The following USH2A variants were observed in gnomAD, a reference collection of about 807,000 sequenced individuals.
The protein encoded by USH2A is Usher syndrome 2A (autosomal recessive, mild).
In USH2A, 443 loss-of-function variants were observed where a neutral mutation model predicts 538.9. The observed-to-expected ratio is 0.82, with a 90% confidence interval of 0.76 to 0.89. The LOEUF (loss-of-function observed/expected upper bound fraction) is 0.89, where lower values mean the gene tolerates loss of function less well. USH2A is among the 40% of genes least tolerant of loss of function. USH2A has a pLI of 0.00. For synonymous variants in USH2A, 2,413 were observed against 2,273.5 expected, an observed-to-expected ratio of 1.06 and a Z score of -1.75; for missense variants, 6,633 against 6,324.8, an observed-to-expected ratio of 1.05 and a Z score of -1.65.
chr1:215,771,579 C>CAAAAAAAAAAAAAAAAAAAAAAAAAAA (rs759067576), intron 55 of USH2A, among the ~76,000 whole-genome samples: 1 of 43,998 alleles, frequency 2.3e-5, no homozygotes, highest in Admixed American at 3.9e-4. Flanking sequence ...GACTCCGTCT[C>CAAAAAAAAAAAAAAAAAAAAAAAAAAA]AAAAAAAAAA....
At chr1:215,645,159 T>C (rs1004911820) in intron 67 of USH2A, among the ~76,000 whole-genome samples, 1 of 151,880 alleles carries the variant, frequency 6.6e-6, no homozygotes, top group Non-Finnish European at 1.5e-5. Flanking sequence ...CTGCAGAGAA[T>C]AAAGGGAGAA....
intron 9 of USH2A, among the ~76,000 whole-genome samples, chr1:216,295,694 C>T (rs983608895): frequency 1.3e-5 from 2 of 151,812 alleles, no homozygotes; most frequent in African/African-American, 2.4e-5. Flanking sequence ...CCCTAAGTGC[C>T]CAGCATATGC....
At chr1:216,022,638 G>T (rs978059126) in intron 32 of USH2A, among the ~76,000 whole-genome samples, 5 of 152,194 alleles carry the variant, frequency 3.3e-5, no homozygotes, top group African/African-American at 1.2e-4. Flanking sequence ...AAGGAAGAAA[G>T]ACATTTTTCC....
intron 51 of USH2A, among the ~76,000 whole-genome samples, chr1:215,787,415 A>T (rs1309104807): frequency 1.3e-5 from 2 of 152,210 alleles, no homozygotes; most frequent in Admixed American, 6.6e-5. Context: ...CCAAGTTTTT[A>T]AAAATATAAA....
At position 215,888,741 on chromosome 1, in the gene USH2A, A is replaced by T. The variant is rs1665133434; in HGVS notation, c.7908T>A (p.Thr2636=). The T allele has an allele frequency of 6.2e-7, 1 of 1,613,996 alleles. No homozygotes were observed. The highest frequency in any genetic ancestry group is 1.1e-5 in the South Asian group (1 of 91,092). ...GCCAAGATATAATCACAGATGTTGGAGTATCAGAGAACAGCTCTGGACTTG... is the reference window on the plus strand; with the variant it reads ...GCCAAGATATAATCACAGATGTTGGTGTATCAGAGAACAGCTCTGGACTTG... ...GIPSPELFSD[T]PTSVIISWQP... The change falls in exon 41 of 72, where the codon ACT becomes ACA. Residue 2636 remains threonine (T), a synonymous_variant. Transcript: ENST00000307340.
chr1:216,013,144 C>A (rs959589334), intron 32 of USH2A, among the ~76,000 whole-genome samples: 2 of 152,218 alleles, frequency 1.3e-5, no homozygotes, highest in African/African-American at 2.4e-5. Context: ...ATACTTAGAC[C>A]TTTTATACCT....
chr1:216,174,600 G>C lies in USH2A; in HGVS notation c.4627+652C>G, dbSNP rs915573791. 10 of 980,920 alleles carry C rather than the reference G, an allele frequency of 1.0e-5. No individual in the cohort carries two copies. The African/African-American group carries it at 1.7e-4, about 17-fold the overall frequency. The allele number at this position is 980,920 out of a possible 1,614,324, so 60.8% of individuals were successfully genotyped here. ...GCATTAAAATTTACATTAACACTGA[G>C]TTTTTTAGTGCCTTTAAATTTTGTG... On this transcript the variant is annotated intron_variant, in intron 21 of 71. Coordinates refer to ENST00000307340, the MANE Select transcript of USH2A (RefSeq NM_206933.4).
At chr1:215,901,059 C>A in intron 38 of USH2A, 154 bp from the exon 39 acceptor site, 1 of 904,262 alleles carries the variant, frequency 1.1e-6, no homozygotes, top group East Asian at 2.7e-5. Flanking sequence ...CATTCCTGAA[C>A]TCCTGTACTT....
intron 55 of USH2A, among the ~76,000 whole-genome samples, chr1:215,768,211 C>T (rs904358495): frequency 5.3e-5 from 8 of 152,142 alleles, no homozygotes; most frequent in East Asian, 1.9e-4. Flanking sequence ...AGCCTTCAAC[C>T]GTCTCTGATG....
chr1:215,636,687 A>C (rs918886455), intron 69 of USH2A, among the ~76,000 whole-genome samples: 2 of 152,154 alleles, frequency 1.3e-5, no homozygotes, highest in African/African-American at 4.8e-5. Flanking sequence ...CAAAAGGGAA[A>C]TAGCCCTTAG....
intron 21 of USH2A, 173 bp downstream of exon 21, chr1:216,175,079 C>T: frequency 2.1e-6 from 3 of 1,440,516 alleles, no homozygotes; most frequent in East Asian, 5.1e-5. Flanking sequence ...CTTTTTTCCC[C>T]AGAATTCTAA....
chr1:215,762,819 CT>C (rs2102744942), intron 56 of USH2A, among the ~76,000 whole-genome samples: 1 of 152,150 alleles, frequency 6.6e-6, no homozygotes. Flanking sequence ...GGGAAGTAAC[CT>C]AGGAGGATGG....
chr1:216,332,251 C>A (rs1462278578), intron 4 of USH2A, among the ~76,000 whole-genome samples: 3 of 152,102 alleles, frequency 2.0e-5, no homozygotes, highest in African/African-American at 2.4e-5. Flanking sequence ...ACTCAGAGTT[C>A]ATCCACTGGA....
chr1:216,130,380 G>A (rs1289001977), intron 21 of USH2A, among the ~76,000 whole-genome samples: 1 of 151,416 alleles, frequency 6.6e-6, no homozygotes, highest in Non-Finnish European at 1.5e-5. Context: ...TCATAACTTA[G>A]CTCCCACTTT....
intron 61 of USH2A, among the ~76,000 whole-genome samples, chr1:215,694,778 T>C (rs1332075424): frequency 6.6e-6 from 1 of 152,230 alleles, no homozygotes; most frequent in Non-Finnish European, 1.5e-5. Context: ...GATTTCATTG[T>C]AAGGATTTGG....
intron 58 of USH2A, among the ~76,000 whole-genome samples, chr1:215,747,277 A>G (rs1413214484): frequency 6.6e-6 from 1 of 152,188 alleles, no homozygotes; most frequent in East Asian, 1.9e-4. Flanking sequence ...AAAGAGTTCT[A>G]TACTATTTTT....
At chr1:216,043,321 C>T (rs1303029826) in intron 32 of USH2A, among the ~76,000 whole-genome samples, 1 of 151,904 alleles carries the variant, frequency 6.6e-6, no homozygotes, top group Non-Finnish European at 1.5e-5. Context: ...GTTTATTTCC[C>T]CTCCTTGACC....
chr1:216,098,779 G>A (rs943437508), intron 21 of USH2A, among the ~76,000 whole-genome samples: 1 of 151,152 alleles, frequency 6.6e-6, no homozygotes, highest in African/African-American at 2.4e-5. Flanking sequence ...GTGATAAATG[G>A]TATAGGGATG....
intron 44 of USH2A, among the ~76,000 whole-genome samples, chr1:215,849,620 T>A (rs985496407): frequency 2.0e-5 from 3 of 152,124 alleles, no homozygotes; most frequent in African/African-American, 7.2e-5. Context: ...GTCTACAAAC[T>A]GAATAGACTA....
Sources: gnomAD v4.1 joint callset for allele counts (sites outside exome capture counted in the v4.1 genomes callset) on GRCh38, gnomAD v4.1.1 for gene constraint, MANE v1.5 for transcripts, NCBI Gene and HGNC (gene_info 2026-07-23, HGNC 2026-07-21) for gene names.